The following ZDHHC6 variants were observed in gnomAD, a reference collection of about 807,000 sequenced individuals.
ZDHHC6 encodes zDHHC palmitoyltransferase 6.
Under a neutral mutation model 57.8 loss-of-function variants are expected in ZDHHC6, and 32 were observed. That is an observed-to-expected ratio of 0.55 (90% confidence interval 0.42 to 0.74). ZDHHC6 has a LOEUF of 0.74. Among genes scored for constraint, ZDHHC6 ranks in the 30% least tolerant of loss-of-function variants. The pLI, the probability that ZDHHC6 is intolerant of heterozygous loss-of-function variation, is 0.00. For missense variants in ZDHHC6, 433 were observed against 500.7 expected (o/e 0.86, Z 1.29); for synonymous variants, 128 against 158.0 (o/e 0.81, Z 1.42).
chr10:112,432,493 C>T lies in ZDHHC6; in HGVS notation c.974G>A (p.Ser325Asn). ...SVRYKVIEDY[S>N]GACCPLNKGI... is the part of the protein sequence containing the mutation. Reference sequence around the variant, plus strand: ...TTTATTCAGAGGGCAGCAGGCACCACTATAATCTTCTATTACTTTATAGCG... The same window carrying T: ...TTTATTCAGAGGGCAGCAGGCACCATTATAATCTTCTATTACTTTATAGCG... The change falls in exon 9 of 11, where the codon AGT (serine) becomes AAT (asparagine). Residue 325 changes from serine (S) to asparagine (N), a missense_variant. By Grantham distance (46) the Ser-to-Asn change is conservative (BLOSUM62 1). Transcript: ENST00000369405. 2 of 1,614,084 alleles carry T rather than the reference C, an allele frequency of 1.2e-6. No homozygotes were observed. Among genetic ancestry groups the T allele is most frequent in the African/African-American group, 1.3e-5 (1 of 75,042 alleles).
At chr10:112,431,690 T>C (rs1292224253) in intron 10 of ZDHHC6, among the ~76,000 whole-genome samples, 1 of 151,252 alleles carries the variant, frequency 6.6e-6, no homozygotes, top group African/African-American at 2.4e-5. Context: ...TTAAAGAACA[T>C]CCCGAGCTAA....
In ZDHHC6 at chr10:112,442,370, A is replaced by G; in HGVS notation, c.360-19T>C. 1 of 1,596,872 alleles carries G rather than the reference A, an allele frequency of 6.3e-7. No individual in the cohort carries two copies. Among genetic ancestry groups the G allele is most frequent in the Non-Finnish European group, 8.5e-7 (1 of 1,173,724 alleles). ...CACACATCTAACAAGAAAAATTTAC[A>G]TAAAACATGAGGCAGAAAATCCTGT... On this transcript the variant is annotated intron_variant, in intron 3 of 10. Transcript: ENST00000369405.
At position 112,445,159 on chromosome 10, in the gene ZDHHC6, A is replaced by G. The variant is rs767096037; in HGVS notation, c.267+11T>C. ...TCATTAAAGTTCATTGTCTTACAGA[A>G]TCTTTCTTACCGGTTTCCACCCCAG... On this transcript the variant is annotated intron_variant, in intron 2 of 10. Transcript: ENST00000369405. 3.7e-6 allele frequency: 6 copies of G among 1,607,836 alleles called. No homozygotes were observed. Among genetic ancestry groups the G allele is most frequent in the Non-Finnish European group, 5.1e-6 (6 of 1,175,782 alleles).
Position 112,442,358 on chromosome 10 carries a change from AG to A in ZDHHC6, c.360-8del. On this transcript the variant is annotated splice_polypyrimidine_tract_variant and splice_region_variant and intron_variant, in intron 3 of 10. Coordinates refer to ENST00000369405, the MANE Select transcript of ZDHHC6 (RefSeq NM_022494.3). The stretch of plus-strand genomic sequence containing the variant: ...GTCCATCTTCATCACACATCTAACA[AG>A]AAAAATTTACATAAAACATGAGGCA... 6.3e-7 allele frequency: 1 copy of A among 1,599,782 alleles called. No homozygotes were observed. Among genetic ancestry groups the A allele is most frequent in the South Asian group, 1.1e-5 (1 of 87,830 alleles).
At chr10:112,442,480 G>C in intron 3 of ZDHHC6, 129 bp from the exon 4 acceptor site, 1 of 831,962 alleles carries the variant, frequency 1.2e-6, no homozygotes. Flanking sequence ...TATACTTCAT[G>C]GAACAGAAAG....
At chr10:112,432,636 T>A in intron 8 of ZDHHC6, 115 bp from the exon 9 acceptor site, 5 of 1,328,076 alleles carry the variant, frequency 3.8e-6, no homozygotes, top group Non-Finnish European at 5.1e-6. Context: ...AGCCTTCTAG[T>A]TCCCCTTCTA....
At chr10:112,441,220 T>A (rs1846089583) in intron 4 of ZDHHC6, among the ~76,000 whole-genome samples, 1 of 152,218 alleles carries the variant, frequency 6.6e-6, no homozygotes, top group Non-Finnish European at 1.5e-5. Flanking sequence ...CAAATGTTAC[T>A]TTTTGTTGTT....
intron 1 of ZDHHC6, 145 bp from the exon 2 acceptor site, chr10:112,445,795 G>A (rs1846604451): frequency 2.5e-6 from 1 of 392,404 alleles, no homozygotes; most frequent in Non-Finnish European, 4.5e-6. Flanking sequence ...CTTGTCAAAT[G>A]TCAAAAAGAA....
At position 112,442,295 on chromosome 10, in the gene ZDHHC6, T is replaced by C. The variant is rs1846187892; in HGVS notation, c.416A>G (p.Gln139Arg). ...CPWINNCCGY[Q>R]NHASFTLFLL... ...AAACAGTGTGAACGAAGCATGATTT[T>C]GGTAACCACAACAGTTGTTGATCCA... Residue 139 changes from glutamine (Q) to arginine (R), a missense_variant, in exon 4 of 11, where the codon CAA (glutamine) becomes CGA (arginine). Coordinates refer to ENST00000369405, the MANE Select transcript of ZDHHC6 (RefSeq NM_022494.3). The C allele has an allele frequency of 6.2e-7, 1 of 1,613,946 alleles. No homozygotes were observed. The highest frequency in any genetic ancestry group is 1.1e-5 in the South Asian group (1 of 91,076).
At chr10:112,433,954 G>C (rs954560288) in intron 7 of ZDHHC6, among the ~76,000 whole-genome samples, 1 of 152,134 alleles carries the variant, frequency 6.6e-6, no homozygotes, top group Non-Finnish European at 1.5e-5. Flanking sequence ...TTTAGATAGA[G>C]TGGAGGTCAT....
rs1032694766 is a variant in ZDHHC6, at chr10:112,445,587, T to G, written c.-151A>C. On this transcript the variant is annotated 5_prime_UTR_variant, in exon 2 of 11. Transcript: ENST00000369405. ...TTAACGCAGATTACACCATTTTCACTGTCAGGCACCCAAAGCTCTTTATCT... is the reference window on the plus strand; with the variant it reads ...TTAACGCAGATTACACCATTTTCACGGTCAGGCACCCAAAGCTCTTTATCT... 7.8e-6 allele frequency: 7 copies of G among 894,064 alleles called. No individual in the cohort carries two copies. The East Asian group carries it at 1.9e-4, about 24-fold the overall frequency. 55.4% of individuals were successfully genotyped at this position (894,064 alleles called of 1,614,324 possible). A position where few individuals can be genotyped will look rare whatever the true frequency, so the allele number is the denominator to read the frequency against.
intron 2 of ZDHHC6, among the ~76,000 whole-genome samples, chr10:112,444,512 T>C (rs964816237): frequency 2.0e-5 from 3 of 152,212 alleles, no homozygotes; most frequent in Non-Finnish European, 4.4e-5. Context: ...ACATAGCACA[T>C]GATATACACC....
chr10:112,437,412 T>C (rs1042738895), intron 6 of ZDHHC6, among the ~76,000 whole-genome samples: 25 of 152,144 alleles, frequency 1.6e-4, no homozygotes, highest in African/African-American at 6.0e-4. Context: ...TAAAAAGGTA[T>C]AAAAATCTTA....
At chr10:112,427,570 A>G, downstream of ZDHHC6, 1 of 395,492 alleles carries the variant, frequency 2.5e-6, no homozygotes, top group Non-Finnish European at 4.4e-6. Flanking sequence ...CGATGTTGCT[A>G]ATATTAAGGC....
In ZDHHC6 at chr10:112,434,438, T is replaced by C. The variant is rs1481981648; in HGVS notation, c.762A>G (p.Gln254=). 2 of 1,613,526 alleles carry C rather than the reference T, an allele frequency of 1.2e-6. No homozygotes were observed. Among genetic ancestry groups the C allele is most frequent in the South Asian group, 1.1e-5 (1 of 90,944 alleles). The change falls in exon 7 of 11, where the codon CAA becomes CAG. Residue 254 remains glutamine, a synonymous_variant. Transcript: ENST00000369405. The stretch of plus-strand genomic sequence containing the variant: ...ATGGAAAAACAAAGACTTCATCTAG[T>C]TGATAATACTGAATTCGATCTTTAG... ...EKAKDRIQYY[Q]LDEVFVFPYD... is the part of the protein sequence containing the mutation.
chr10:112,433,329 G>A, intron 7 of ZDHHC6, 48 bp from the exon 8 acceptor site: 1 of 1,468,314 alleles, frequency 6.8e-7, no homozygotes, highest in Non-Finnish European at 9.1e-7. Flanking sequence ...TTGTCTCAAT[G>A]TTGAAAAATC....
chr10:112,444,287 C>G (rs930239699), intron 2 of ZDHHC6, among the ~76,000 whole-genome samples: 2 of 152,190 alleles, frequency 1.3e-5, no homozygotes, highest in Non-Finnish European at 2.9e-5. Context: ...TTCTTTCAAC[C>G]TGAAATGCCC....
At chr10:112,428,325 A>G (rs1269020324), downstream of ZDHHC6, 3 of 397,168 alleles carry the variant, frequency 7.6e-6, no homozygotes, top group Non-Finnish European at 1.3e-5. Context: ...CAGATAACAC[A>G]TGTTGTTTCT....
chr10:112,424,538 A>G (rs1019565050), exon 12 of ZDHHC6: 1 of 152,256 alleles, frequency 6.6e-6, no homozygotes, highest in Admixed American at 6.5e-5. Context: ...TGTAAGCAAC[A>G]GATATGTCCC....
Sources: gnomAD v4.1 joint callset for allele counts (sites outside exome capture counted in the v4.1 genomes callset) on GRCh38, gnomAD v4.1.1 for gene constraint, MANE v1.5 for transcripts, NCBI Gene and HGNC (gene_info 2026-07-23, HGNC 2026-07-21) for gene names.